PITPNM2: variants seen among roughly 807,000 people sequenced by gnomAD.
PITPNM2 encodes the protein membrane-associated phosphatidylinositol transfer protein 2.
A neutral mutation model predicts 132.2 loss-of-function variants in PITPNM2; 35 were observed. The ratio of observed to expected loss-of-function variants is 0.26; its 90% CI spans 0.20 to 0.35. PITPNM2 has a LOEUF of 0.35. Ranked by LOEUF, PITPNM2 falls within the 10% of genes least tolerant of loss-of-function variation. The probability of loss-of-function intolerance (pLI) is 1.00; values close to 1 mark genes in which losing one functional copy is unlikely to be tolerated. For missense variants in PITPNM2, 1,332 were observed against 1,912.0 expected, an observed-to-expected ratio of 0.70 and a Z score of 5.66; for synonymous variants, 738 against 799.2, an observed-to-expected ratio of 0.92 and a Z score of 1.29.
At chr12:122,987,725 G>C in intron 21 of PITPNM2, 60 bp downstream of exon 21, 1 of 1,612,422 alleles carries the variant, frequency 6.2e-7, no homozygotes, top group South Asian at 1.1e-5. Flanking sequence ...ACCCCGGCCA[G>C]AGGGCAGCAG....
chr12:123,112,402 G>C (rs1001647687), intron 1 of PITPNM2, among the ~76,000 whole-genome samples: 1 of 152,160 alleles, frequency 6.6e-6, no homozygotes, highest in African/African-American at 2.4e-5. Context: ...TGCATGTAAT[G>C]TACGTTCCAT....
At chr12:123,100,533 G>A (rs950063047) in intron 2 of PITPNM2, among the ~76,000 whole-genome samples, 3 of 152,044 alleles carry the variant, frequency 2.0e-5, no homozygotes, top group East Asian at 1.9e-4. Flanking sequence ...GGCTAAGGCA[G>A]CAGAATCACT....
At chr12:123,035,075 GCAGAT>G (rs1474311345) in intron 2 of PITPNM2, among the ~76,000 whole-genome samples, 1 of 152,198 alleles carries the variant, frequency 6.6e-6, no homozygotes, top group Non-Finnish European at 1.5e-5. Flanking sequence ...GGAAAAGCAG[GCAGAT>G]CAAATAAAAC....
intron 3 of PITPNM2, among the ~76,000 whole-genome samples, chr12:123,025,916 G>A (rs1479296363): frequency 3.9e-5 from 6 of 152,168 alleles, no homozygotes; most frequent in African/African-American, 1.4e-4. Context: ...TCACAGATGA[G>A]ACGATCGAGG....
chr12:123,037,182 T>C (rs1340796781), intron 2 of PITPNM2, among the ~76,000 whole-genome samples: 1 of 152,148 alleles, frequency 6.6e-6, no homozygotes, highest in Non-Finnish European at 1.5e-5. Flanking sequence ...TGGGCCGAAG[T>C]AGCAAGGGAC....
At chr12:122,988,692 G>A in intron 19 of PITPNM2, 32 bp downstream of exon 19, 5 of 1,540,646 alleles carry the variant, frequency 3.2e-6, no homozygotes, top group Non-Finnish European at 3.5e-6. Flanking sequence ...TGTCACTCAG[G>A]GCCCTCCTGG....
chr12:123,122,370 G>A (rs2043049629), intron 1 of PITPNM2, among the ~76,000 whole-genome samples: 1 of 152,192 alleles, frequency 6.6e-6, no homozygotes, highest in South Asian at 2.1e-4. Context: ...GCTGAGGCAG[G>A]AGAATCGCTT....
Position 122,992,611 on chromosome 12 carries a change from C to T in PITPNM2, c.2292G>A (p.Pro764=), listed in dbSNP as rs767270600. The change falls in exon 16 of 26, where the codon CCG becomes CCA. Residue 764 remains proline, a synonymous_variant. Transcript: ENST00000320201. This position sits in a 1 kb window ranked among gnomAD's most constrained non-coding sequence, Gnocchi z 6.5. Reference sequence around the variant, plus strand: ...GCAGCGGCTCCAGGCGTGAAGCTGACGGGTCCGCGGGGTGGAAGAGGTTGT... The same window carrying T: ...GCAGCGGCTCCAGGCGTGAAGCTGATGGGTCCGCGGGGTGGAAGAGGTTGT... ...QVYNLFHPAD[P]SASRLEPLLE... is the part of the protein sequence containing the mutation. 16 of 1,607,494 alleles carry T rather than the reference C, an allele frequency of 1.0e-5. No homozygotes were observed. The highest frequency in any genetic ancestry group is 8.0e-5 in the African/African-American group (6 of 74,626).
chr12:122,990,267 G>A (rs2038129653), intron 17 of PITPNM2, among the ~76,000 whole-genome samples: 1 of 152,236 alleles, frequency 6.6e-6, no homozygotes, highest in Non-Finnish European at 1.5e-5. Flanking sequence ...AGGAAGGCGG[G>A]GCCCTTACTA....
chr12:123,020,190 G>A (rs1362401256), intron 3 of PITPNM2, among the ~76,000 whole-genome samples: 3 of 152,002 alleles, frequency 2.0e-5, no homozygotes, highest in Non-Finnish European at 2.9e-5. Context: ...GCATGATCTC[G>A]GCTCACTGCA....
intron 2 of PITPNM2, among the ~76,000 whole-genome samples, chr12:123,053,806 G>A (rs1014067552): frequency 1.3e-5 from 2 of 151,866 alleles, no homozygotes; most frequent in Non-Finnish European, 2.9e-5. Flanking sequence ...GACCTCAGGT[G>A]ATCTGCCCGC....
chr12:123,129,228 G>C (rs1313762728), intron 1 of PITPNM2, among the ~76,000 whole-genome samples: 1 of 151,870 alleles, frequency 6.6e-6, no homozygotes, highest in Non-Finnish European at 1.5e-5. Flanking sequence ...TTAAGCCCAG[G>C]AGTTCAAGGC....
At chr12:123,020,029 G>T (rs1446040476) in intron 3 of PITPNM2, among the ~76,000 whole-genome samples, 1 of 152,222 alleles carries the variant, frequency 6.6e-6, no homozygotes, top group African/African-American at 2.4e-5. Flanking sequence ...CCTGGGTGTA[G>T]CCTGCGAGGC....
At chr12:123,046,095 G>C (rs759450373) in intron 2 of PITPNM2, among the ~76,000 whole-genome samples, 9 of 152,202 alleles carry the variant, frequency 5.9e-5, no homozygotes, top group Non-Finnish European at 1.2e-4. Flanking sequence ...CTAACAGTCA[G>C]AGACTTAGTC....
intron 10 of PITPNM2, among the ~76,000 whole-genome samples, chr12:122,998,538 C>T (rs2038524488): frequency 6.6e-6 from 1 of 152,228 alleles, no homozygotes; most frequent in South Asian, 2.1e-4. Flanking sequence ...TGGTATGTGA[C>T]CAGAGGATAG....
rs568776085 is a variant in PITPNM2, at chr12:123,066,940, A to T, written c.-95-32255T>A. 5.3e-5 allele frequency among the ~76,000 whole-genome samples: 8 copies of T among 152,312 alleles called. No homozygotes were observed. The South Asian group carries it at 1.5e-3, about 28-fold the overall frequency. On this transcript the variant is annotated intron_variant, in intron 2 of 25. Coordinates refer to ENST00000320201, the MANE Select transcript of PITPNM2 (RefSeq NM_020845.3). ...GGCCACACTCCCCGGCCAGTGCAGT[A>T]GGTTTGCCCTTTATCTGGTGACATT...
At chr12:123,118,622 G>T (rs182344909) in intron 1 of PITPNM2, among the ~76,000 whole-genome samples, 11 of 152,204 alleles carry the variant, frequency 7.2e-5, no homozygotes, top group African/African-American at 2.7e-4. Flanking sequence ...GAATGTCCAC[G>T]GGGCCAGTGT....
At chr12:123,047,111 C>T in intron 2 of PITPNM2, among the ~76,000 whole-genome samples, 1 of 152,116 alleles carries the variant, frequency 6.6e-6, no homozygotes, top group Non-Finnish European at 1.5e-5. Flanking sequence ...AAATGAAAGC[C>T]CCCAAAATTT....
At chr12:122,998,670 ACAGACCAAGGAGC>A (rs1452716557) in intron 10 of PITPNM2, among the ~76,000 whole-genome samples, 1 of 152,026 alleles carries the variant, frequency 6.6e-6, no homozygotes, top group Non-Finnish European at 1.5e-5. Flanking sequence ...ACCCGAGGAG[ACAGACCAAGGAGC>A]CAAAGCCATC....
Sources: gnomAD v4.1 joint callset for allele counts (sites outside exome capture counted in the v4.1 genomes callset) on GRCh38, gnomAD v4.1.1 for gene constraint, Gnocchi (gnomAD v3.1) non-coding constraint, MANE v1.5 for transcripts, NCBI Gene and HGNC (gene_info 2026-07-23, HGNC 2026-07-21) for gene names.